Variants in NAA40 observed in about 807,000 individuals in gnomAD.
The protein encoded by NAA40 is N-alpha-acetyltransferase 40, NatD catalytic subunit.
A neutral mutation model predicts 36.6 loss-of-function variants in NAA40; 26 were observed. The observed-to-expected ratio is 0.71, with a 90% CI of 0.52 to 0.98. The LOEUF is 0.98. Among genes scored for constraint, NAA40 ranks in the 50% least tolerant of loss-of-function variants. The pLI is 0.00. For synonymous variants in NAA40, 129 were observed against 108.4 expected, an observed-to-expected ratio of 1.19 and a Z score of -1.18; for missense variants, 237 against 306.5, an observed-to-expected ratio of 0.77 and a Z score of 1.69.
chr11:63,951,005 TAAAG>T (rs1046467494), intron 3 of NAA40, among the ~76,000 whole-genome samples: 7 of 152,116 alleles, frequency 4.6e-5, no homozygotes, highest in African/African-American at 9.7e-5. Context: ...AAGTGGGTGA[TAAAG>T]AAAGGAAGAT....
intron 3 of NAA40, 151 bp downstream of exon 3, chr11:63,947,154 C>T (rs543182629): frequency 2.5e-6 from 2 of 800,740 alleles, no homozygotes; most frequent in Non-Finnish European, 4.1e-6. Flanking sequence ...CGCCTGTAAT[C>T]CAAGCACTTT....
intron 3 of NAA40, among the ~76,000 whole-genome samples, chr11:63,949,147 T>C (rs1942235184): frequency 6.6e-6 from 1 of 152,106 alleles, no homozygotes. Context: ...GGTAGCAGCA[T>C]TGCACTCTAG....
rs1227918099 is a variant in NAA40 at position 63,955,679 on chromosome 11, T to C, written c.*1200T>C. ...AGTGGCCAACAGTTGCTTTTCTCTC[T>C]GGTGTCACCCTGTGGCAACAGGCTG... On this transcript the variant is annotated 3_prime_UTR_variant, in exon 8 of 8. Transcript: ENST00000377793. 1 of 152,438 alleles carries C rather than the reference T, an allele frequency of 6.6e-6. No individual in the cohort carries two copies. The highest frequency in any genetic ancestry group is 2.4e-5 in the African/African-American group (1 of 41,472). The allele number at this position is 152,438 out of a possible 1,614,324, so 9.4% of individuals were successfully genotyped here.
chr11:63,949,580 G>T (rs1244166074), intron 3 of NAA40, among the ~76,000 whole-genome samples: 2 of 152,022 alleles, frequency 1.3e-5, no homozygotes, highest in Non-Finnish European at 2.9e-5. Context: ...TTGATGAGTT[G>T]TGCTTCCAGA....
At chr11:63,953,686 C>T (rs929813437) in intron 6 of NAA40, among the ~76,000 whole-genome samples, 4 of 152,264 alleles carry the variant, frequency 2.6e-5, no homozygotes, top group South Asian at 4.2e-4. Context: ...GTGGTGTGAT[C>T]GTATCTCACT....
At chr11:63,952,370 C>G (rs564435011) in intron 4 of NAA40, 37 bp downstream of exon 4, 1 of 1,613,034 alleles carries the variant, frequency 6.2e-7, no homozygotes, top group Non-Finnish European at 8.5e-7. Flanking sequence ...TAGTTCCTCT[C>G]GCAGCTTTCC....
chr11:63,942,687 G>T (rs1201029018), intron 1 of NAA40, among the ~76,000 whole-genome samples: 1 of 152,214 alleles, frequency 6.6e-6, no homozygotes, highest in Non-Finnish European at 1.5e-5. Context: ...CAAGGCAGGG[G>T]CAAAGCTAAT....
chr11:63,945,959 C>G (rs1373797974), intron 2 of NAA40, 24 bp downstream of exon 2: 3 of 1,597,260 alleles, frequency 1.9e-6, no homozygotes, highest in African/African-American at 1.3e-5. Context: ...TCTTCCCAGT[C>G]CCTGCCTCCT....
intron 3 of NAA40, among the ~76,000 whole-genome samples, chr11:63,951,901 A>G (rs1942284155): frequency 1.3e-5 from 2 of 152,232 alleles, no homozygotes; most frequent in Admixed American, 1.3e-4. Flanking sequence ...TGTTTATAAC[A>G]AAGTACAGAA....
At chr11:63,950,407 C>G (rs1377023031) in intron 3 of NAA40, among the ~76,000 whole-genome samples, 1 of 152,096 alleles carries the variant, frequency 6.6e-6, no homozygotes, top group African/African-American at 2.4e-5. Flanking sequence ...GCGTGAGCCA[C>G]TGCGCCCGGC....
chr11:63,947,138 G>T, intron 3 of NAA40, 135 bp downstream of exon 3: 1 of 911,188 alleles, frequency 1.1e-6, no homozygotes, highest in South Asian at 1.5e-5. Context: ...TGGGTGCGGT[G>T]GCTCACGCCT....
At chr11:63,940,693 AGTTT>A (rs1052987216) in intron 1 of NAA40, among the ~76,000 whole-genome samples, 6 of 150,828 alleles carry the variant, frequency 4.0e-5, no homozygotes, top group African/African-American at 1.2e-4. Flanking sequence ...TTGTTAACCT[AGTTT>A]TTTTTTTTCC....
At chr11:63,946,251 G>T (rs911964273) in intron 2 of NAA40, 1 of 311,120 alleles carries the variant, frequency 3.2e-6, no homozygotes, top group Non-Finnish European at 6.1e-6. Flanking sequence ...TGTCATCCAG[G>T]CTGGAATGCA....
intron 3 of NAA40, among the ~76,000 whole-genome samples, chr11:63,947,442 A>G (rs1255199831): frequency 6.6e-6 from 1 of 151,068 alleles, no homozygotes; most frequent in African/African-American, 2.5e-5. Context: ...CAAAAGCAGA[A>G]ACTGACTCGT....
At chr11:63,946,209 T>G (rs1942184202) in intron 2 of NAA40, 3 of 420,224 alleles carry the variant, frequency 7.1e-6, no homozygotes, top group Non-Finnish European at 1.3e-5. Context: ...TAGATAATTT[T>G]TTTTTCTTTT....
At chr11:63,939,267 T>G (rs1295686900) in intron 1 of NAA40, 165 bp downstream of exon 1, 4 of 1,253,000 alleles carry the variant, frequency 3.2e-6, no homozygotes, top group East Asian at 3.5e-5. Context: ...GTCCCTACGC[T>G]AGGCCTAGCC....
rs10708670 is a variant in NAA40, at chr11:63,950,122, G to GTT, written c.156-2102_156-2101dup. ...TAGCAGCTGGTATGAGGTTTTTTTT[G>GTT]TTTTTTTTTTTTTTTGAGACAGAGT... On this transcript the variant is annotated intron_variant, in intron 3 of 7. Transcript: ENST00000377793. 3.6e-3 allele frequency among the ~76,000 whole-genome samples: 462 copies of GTT among 129,258 alleles called. 2 individuals carry two copies. The highest frequency in any genetic ancestry group is 0.012 in the African/African-American group (419 of 34,782). The allele number at this position is 129,258 out of a possible 152,430, so 84.8% of individuals were successfully genotyped here. A position where few individuals can be genotyped will look rare whatever the true frequency, so the allele number is the denominator to read the frequency against.
At chr11:63,948,551 T>C (rs1942225528) in intron 3 of NAA40, among the ~76,000 whole-genome samples, 1 of 151,738 alleles carries the variant, frequency 6.6e-6, no homozygotes, top group East Asian at 2.0e-4. Context: ...ACCCCGTCTC[T>C]ACTAAAAATA....
At chr11:63,942,487 G>T (rs751380640) in intron 1 of NAA40, among the ~76,000 whole-genome samples, 2 of 152,168 alleles carry the variant, frequency 1.3e-5, no homozygotes, top group East Asian at 3.8e-4. Flanking sequence ...CTGAAGTCAC[G>T]CAGCTAGTAA....
Sources: allele counts gnomAD v4.1 joint callset (sites outside exome capture counted in the v4.1 genomes callset), GRCh38; gene constraint gnomAD v4.1.1; transcripts MANE v1.5; gene names NCBI Gene and HGNC (gene_info 2026-07-23, HGNC 2026-07-21).